The following PTPRD variants were observed in gnomAD, a reference collection of about 807,000 sequenced individuals.
The protein encoded by PTPRD is protein tyrosine phosphatase receptor type D.
PTPRD carries 34 observed loss-of-function variants against 214.5 expected under a neutral mutation model. The observed-to-expected ratio is 0.16, with a 90% CI of 0.12 to 0.21. The LOEUF is 0.21. Ranked by LOEUF, PTPRD falls within the 10% of genes least tolerant of loss-of-function variation. The probability of loss-of-function intolerance (pLI) is 1.00; values close to 1 mark genes in which losing one functional copy is unlikely to be tolerated. For synonymous variants in PTPRD, 1,128 were observed against 845.7 expected (o/e 1.33, Z -5.79); for missense variants, 2,545 against 2,398.7 (o/e 1.06, Z -1.27).
At chr9:9,417,375 A>G (rs1427503040) in intron 8 of PTPRD, among the ~76,000 whole-genome samples, 1 of 152,142 alleles carries the variant, frequency 6.6e-6, no homozygotes, top group Middle Eastern at 3.2e-3. Context: ...ACATGCAAAC[A>G]ACAGATTCAA....
At chr9:8,599,739 C>T (rs914559612) in intron 14 of PTPRD, among the ~76,000 whole-genome samples, 4 of 151,058 alleles carry the variant, frequency 2.6e-5, no homozygotes, top group African/African-American at 9.7e-5. Context: ...GCTTCAGCCT[C>T]CTTGAGTAGC....
At chr9:10,161,622 G>A (rs1476729228) in intron 3 of PTPRD, among the ~76,000 whole-genome samples, 3 of 151,736 alleles carry the variant, frequency 2.0e-5, no homozygotes, top group African/African-American at 7.2e-5. Flanking sequence ...ATATGCTTCA[G>A]GGCAATGGTT....
intron 14 of PTPRD, among the ~76,000 whole-genome samples, chr9:8,627,320 T>C (rs1003693737): frequency 6.6e-6 from 1 of 151,732 alleles, no homozygotes; most frequent in Non-Finnish European, 1.5e-5. Flanking sequence ...CCAAACCCGA[T>C]GAAAATCTTA....
chr9:8,464,494 A>C (rs1173382562), intron 32 of PTPRD, among the ~76,000 whole-genome samples: 1 of 151,946 alleles, frequency 6.6e-6, no homozygotes, highest in African/African-American at 2.4e-5. Flanking sequence ...TCTTTCAGTC[A>C]CTTGAAGAGA....
rs1290935138 is a variant in PTPRD, at chr9:8,414,901, T to C, written c.4087-10241A>G. Among the ~76,000 whole-genome samples, 7 of 26,812 alleles carry C rather than the reference T, an allele frequency of 2.6e-4. No individual in the cohort carries two copies. The East Asian group carries it at 0.012, about 47-fold the overall frequency. 17.6% of individuals were successfully genotyped at this position (26,812 alleles called of 152,430 possible). ...AGGGAGGGAGGGAGGGAGAGAGGGA[T>C]GGGGAGGGAGGGGGAGAGAGAGGGA... On this transcript the variant is annotated intron_variant, in intron 35 of 45. Coordinates refer to ENST00000381196, the MANE Select transcript of PTPRD (RefSeq NM_002839.4).
At chr9:9,821,075 C>A (rs2050547260) in intron 5 of PTPRD, among the ~76,000 whole-genome samples, 1 of 152,104 alleles carries the variant, frequency 6.6e-6, no homozygotes, top group Non-Finnish European at 1.5e-5. Flanking sequence ...GCAGTATGTC[C>A]ATTTTAATGA....
chr9:9,394,911 G>A (rs561403288), intron 9 of PTPRD, among the ~76,000 whole-genome samples: 1 of 152,158 alleles, frequency 6.6e-6, no homozygotes, highest in South Asian at 2.1e-4. Context: ...CAAAGATCAT[G>A]TTTGCATAGT....
intron 39 of PTPRD, among the ~76,000 whole-genome samples, chr9:8,363,789 GT>G (rs2079102446): frequency 6.6e-6 from 1 of 152,126 alleles, no homozygotes; most frequent in Admixed American, 6.5e-5. Context: ...CCCCAGCTAT[GT>G]TTTGTATCCA....
At chr9:10,443,959 T>C (rs943333175) in intron 2 of PTPRD, among the ~76,000 whole-genome samples, 2 of 151,722 alleles carry the variant, frequency 1.3e-5, no homozygotes, top group African/African-American at 2.4e-5. Context: ...ACTCTATTTA[T>C]ATTAATAGGC....
chr9:9,420,597 G>C (rs1303469276), intron 8 of PTPRD, among the ~76,000 whole-genome samples: 2 of 151,880 alleles, frequency 1.3e-5, no homozygotes, highest in African/African-American at 4.8e-5. Flanking sequence ...ACAAATATGT[G>C]TGTGCACTGA....
chr9:8,898,105 T>C (rs2098635046), intron 11 of PTPRD, among the ~76,000 whole-genome samples: 1 of 152,160 alleles, frequency 6.6e-6, no homozygotes, highest in Non-Finnish European at 1.5e-5. Context: ...ACACTCTCTT[T>C]CCTGAAAGTT....
chr9:9,824,537 A>C (rs778927460), intron 5 of PTPRD, among the ~76,000 whole-genome samples: 1 of 152,018 alleles, frequency 6.6e-6, no homozygotes, highest in Non-Finnish European at 1.5e-5. Flanking sequence ...TAACTGTAAA[A>C]ATTAATACAG....
chr9:10,446,352 T>C lies in PTPRD; in HGVS notation c.-599-105335A>G, dbSNP rs371769461. 7.5e-4 allele frequency among the ~76,000 whole-genome samples: 114 copies of C among 151,430 alleles called. 1 individual carries two copies. The highest frequency in any genetic ancestry group is 2.7e-3 in the African/African-American group (111 of 41,302). On this transcript the variant is annotated intron_variant, in intron 2 of 45. Coordinates refer to ENST00000381196, the MANE Select transcript of PTPRD (RefSeq NM_002839.4). Reference sequence around the variant, plus strand: ...AATATTCAAAGGAGTTAGGAAGAGATGAATATAAGAACTATTGAAGAGTAG... The same window carrying C: ...AATATTCAAAGGAGTTAGGAAGAGACGAATATAAGAACTATTGAAGAGTAG...
At chr9:8,528,541 T>C in intron 15 of PTPRD, 50 bp downstream of exon 15, 2 of 1,314,714 alleles carry the variant, frequency 1.5e-6, no homozygotes, top group Non-Finnish European at 2.1e-6. Flanking sequence ...AGAGAAAAAT[T>C]AAAAAAAAAA....
At chr9:8,632,943 C>T (rs1274044638) in intron 14 of PTPRD, among the ~76,000 whole-genome samples, 3 of 151,896 alleles carry the variant, frequency 2.0e-5, no homozygotes, top group Non-Finnish European at 4.4e-5. Context: ...TCAATGTCAG[C>T]TGTGGTAGTT....
At chr9:9,097,892 T>C (rs2099785964) in intron 10 of PTPRD, among the ~76,000 whole-genome samples, 1 of 152,096 alleles carries the variant, frequency 6.6e-6, no homozygotes, top group South Asian at 2.1e-4. Context: ...TTGTGTACTA[T>C]CCAATACAAT....
At chr9:8,652,179 C>T (rs938007955) in intron 12 of PTPRD, among the ~76,000 whole-genome samples, 3 of 152,150 alleles carry the variant, frequency 2.0e-5, no homozygotes, top group African/African-American at 7.2e-5. Context: ...GAAAAACCTT[C>T]AAATGAGATT....
chr9:9,140,437 A>G (rs2099858226), intron 10 of PTPRD, among the ~76,000 whole-genome samples: 1 of 152,198 alleles, frequency 6.6e-6, no homozygotes, highest in Admixed American at 6.5e-5. Context: ...GGACAGATAT[A>G]ACCTTTGAAA....
At chr9:8,698,599 G>A (rs527920346) in intron 12 of PTPRD, among the ~76,000 whole-genome samples, 175 of 152,220 alleles carry the variant, frequency 1.1e-3, no homozygotes, top group African/African-American at 3.9e-3. Context: ...CAAAGGATAC[G>A]TTTTATCTTT....
Sources: allele counts gnomAD v4.1 joint callset (sites outside exome capture counted in the v4.1 genomes callset), GRCh38; gene constraint gnomAD v4.1.1; transcripts MANE v1.5; gene names NCBI Gene and HGNC (gene_info 2026-07-23, HGNC 2026-07-21).